Variants in PLA2G6 observed in about 807,000 individuals in gnomAD.
The protein encoded by PLA2G6 is phospholipase A2 group VI, also known as 85/88 kDa calcium-independent phospholipase A2.
A neutral mutation model predicts 83.8 loss-of-function variants in PLA2G6; 62 were observed. The observed-to-expected ratio is 0.74, with a 90% CI of 0.60 to 0.91. The LOEUF (loss-of-function observed/expected upper bound fraction) is 0.91, where lower values mean the gene tolerates loss of function less well. Among genes scored for constraint, PLA2G6 ranks in the 40% least tolerant of loss-of-function variants. The probability of loss-of-function intolerance (pLI) is 0.00; values close to 1 mark genes in which losing one functional copy is unlikely to be tolerated. For missense variants in PLA2G6, 944 were observed against 1,102.0 expected, an observed-to-expected ratio of 0.86 and a Z score of 2.03; for synonymous variants, 417 against 449.8, an observed-to-expected ratio of 0.93 and a Z score of 0.92.
intron 2 of PLA2G6, chr22:38,149,791 C>G (rs531261428): frequency 2.6e-5 from 4 of 151,984 alleles, no homozygotes; most frequent in African/African-American, 9.7e-5. Flanking sequence ...AAAAATTAGC[C>G]GGGCGTGGCG....
At position 38,165,024 on chromosome 22, in the gene PLA2G6, T is replaced by C. The variant is rs536328286; in HGVS notation, c.209+4194A>G. On this transcript the variant is annotated intron_variant, in intron 2 of 16. Transcript: ENST00000332509. ...GCAGCCCTCACTCCAGGTCACAGCC[T>C]AGGCCTTGGCATTACTGCTTCTGGG... Among the ~76,000 whole-genome samples, 77 of 151,724 alleles carry C rather than the reference T, an allele frequency of 5.1e-4. 1 individual carries two copies. The highest frequency in any genetic ancestry group is 1.8e-3 in the African/African-American group (75 of 41,316).
rs541994335 is a variant in PLA2G6 at position 38,118,687 on chromosome 22, T to C, written c.1742+2072A>G. Among the ~76,000 whole-genome samples the C allele has an allele frequency of 6.6e-5, 10 of 152,262 alleles. No homozygotes were observed. In the South Asian group the frequency reaches 2.1e-3, roughly 32 times the overall value. ...TTATTTATTTATTTGGATGGACCCATGTTCTTAATGGAGTAGAATTTATAA... is the reference window on the plus strand; with the variant it reads ...TTATTTATTTATTTGGATGGACCCACGTTCTTAATGGAGTAGAATTTATAA... On this transcript the variant is annotated intron_variant, in intron 12 of 16. Transcript: ENST00000332509.
chr22:38,134,485 C>T (rs2088414966), intron 6 of PLA2G6: 1 of 153,014 alleles, frequency 6.5e-6, no homozygotes, highest in Non-Finnish European at 1.5e-5. Context: ...TGGCATGAAC[C>T]TGGGAGGCAG....
chr22:38,180,132 T>C (rs1469611116), intron 1 of PLA2G6, among the ~76,000 whole-genome samples: 1 of 141,318 alleles, frequency 7.1e-6, no homozygotes, highest in Non-Finnish European at 1.5e-5. Flanking sequence ...ACCCAATAGA[T>C]GTCTGCAGAC....
At chr22:38,116,013 C>T (rs751738787) in intron 13 of PLA2G6, 62 bp downstream of exon 13, 1 of 1,592,932 alleles carries the variant, frequency 6.3e-7, no homozygotes, top group Non-Finnish European at 8.6e-7. Flanking sequence ...CGACTCCCAC[C>T]CACCACCCCA....
chr22:38,147,699 T>G (rs2089341167), intron 2 of PLA2G6: 1 of 152,516 alleles, frequency 6.6e-6, no homozygotes, highest in East Asian at 1.9e-4. Context: ...TTACAGGCGC[T>G]TGCTACCACG....
Position 38,135,052 on chromosome 22 carries a change from C to T in PLA2G6, c.830G>A (p.Ser277Asn). The T allele has an allele frequency of 6.4e-7, 1 of 1,574,486 alleles. No homozygotes were observed. Among genetic ancestry groups the T allele is most frequent in the South Asian group, 1.1e-5 (1 of 90,610 alleles). The part of the protein sequence containing the change: ...CAEMIISMDS[S>N]QIHSKDPRYG... ...ACGGGGGTCTTTGCTGTGGATCTGG[C>T]TGCTGTCCATGCTGATGATCATCTC... Residue 277 changes from serine (S) to asparagine (N), a missense_variant, in exon 6 of 17, where the codon AGC (serine) becomes AAC (asparagine). Transcript: ENST00000332509.
chr22:38,120,718 G>A, intron 12 of PLA2G6, 41 bp downstream of exon 12: 1 of 1,610,030 alleles, frequency 6.2e-7, no homozygotes, highest in South Asian at 1.1e-5. Flanking sequence ...CAGCCACAGT[G>A]GGCACAGCTG....
intron 1 of PLA2G6, among the ~76,000 whole-genome samples, chr22:38,179,737 C>CATT (rs1218797324): frequency 3.3e-5 from 5 of 152,136 alleles, no homozygotes. Flanking sequence ...CGTGCCATTG[C>CATT]ATTCCAGCCT....
intron 2 of PLA2G6, among the ~76,000 whole-genome samples, chr22:38,155,091 G>C (rs2089722860): frequency 6.6e-6 from 1 of 152,142 alleles, no homozygotes; most frequent in Admixed American, 6.5e-5. Context: ...GCCAGGCGTG[G>C]TGGCGGGCGC....
intron 2 of PLA2G6, 55 bp from the exon 3 acceptor site, chr22:38,145,708 G>A: frequency 1.6e-6 from 2 of 1,266,178 alleles, no homozygotes; most frequent in South Asian, 2.5e-5. Flanking sequence ...GGGACCCTCG[G>A]CCCACATCCC....
chr22:38,116,725 C>T (rs999031302), intron 12 of PLA2G6, among the ~76,000 whole-genome samples: 1 of 151,782 alleles, frequency 6.6e-6, no homozygotes, highest in African/African-American at 2.4e-5. Flanking sequence ...GTTGCGCATG[C>T]CTGTAATCCC....
chr22:38,115,658 G>C lies in PLA2G6; in HGVS notation c.1903C>G (p.Arg635Gly). 6.5e-7 allele frequency: 1 copy of C among 1,544,492 alleles called. No homozygotes were observed. The highest frequency in any genetic ancestry group is 1.2e-5 in the South Asian group (1 of 82,040). The stretch of plus-strand genomic sequence containing the variant: ...TAAGTAGGAGCTGCCCCGCTGCTTC[G>C]GGCCGCCCGCCACACCAGCTGGTCT... ...PSDQLVWRAARSSGAAPTYFR... is the reference protein window; with the variant it reads ...PSDQLVWRAAGSSGAAPTYFR... Residue 635 changes from arginine (R) to glycine (G), a missense_variant, in exon 14 of 17, where the codon CGA becomes GGA. Coordinates refer to ENST00000332509, the MANE Select transcript of PLA2G6 (RefSeq NM_003560.4).
chr22:38,167,028 A>T (rs6001036), intron 2 of PLA2G6, among the ~76,000 whole-genome samples: 10,667 of 152,042 alleles, frequency 0.07, 852 homozygotes, highest in African/African-American at 0.19. Context: ...GGAGATTGAG[A>T]CCATCCTGGC....
intron 1 of PLA2G6, among the ~76,000 whole-genome samples, chr22:38,176,626 C>T (rs2090641398): frequency 1.3e-5 from 2 of 152,184 alleles, no homozygotes; most frequent in African/African-American, 2.4e-5. Context: ...TCCGTCTGTG[C>T]CACACAGCAC....
intron 9 of PLA2G6, chr22:38,127,141 A>G (rs1446968361): frequency 2.6e-6 from 3 of 1,137,484 alleles, no homozygotes; most frequent in African/African-American, 1.6e-5. Context: ...GCGTGACCCC[A>G]ACTCTGACAG....
chr22:38,161,001 C>A (rs1342791469), intron 2 of PLA2G6, among the ~76,000 whole-genome samples: 1 of 152,068 alleles, frequency 6.6e-6, no homozygotes, highest in Admixed American at 6.6e-5. Flanking sequence ...AGCTGTATAT[C>A]ATTTTCTCTA....
rs982904707 is a variant in PLA2G6, at chr22:38,166,367, G to C, written c.209+2851C>G. Among the ~76,000 whole-genome samples, 77 of 152,258 alleles carry C rather than the reference G, an allele frequency of 5.1e-4. 1 individual carries two copies. Among genetic ancestry groups the C allele is most frequent in the African/African-American group, 1.8e-3 (75 of 41,548 alleles). ...GAAAGGTTCGGGTGGGAGCAGGTTA[G>C]AGGGGAGAAGATAAAAAAGACTCCA... On this transcript the variant is annotated intron_variant, in intron 2 of 16. Coordinates refer to ENST00000332509, the MANE Select transcript of PLA2G6 (RefSeq NM_003560.4).
At position 38,113,578 on chromosome 22, in the gene PLA2G6, G is replaced by T; in HGVS notation, c.2111C>A (p.Thr704Asn). 1 of 1,613,928 alleles carries T rather than the reference G, an allele frequency of 6.2e-7. No individual in the cohort carries two copies. Among genetic ancestry groups the T allele is most frequent in the African/African-American group, 1.3e-5 (1 of 75,044 alleles). Residue 704 changes from threonine to asparagine, a missense_variant, in exon 15 of 17, where the codon ACC (threonine) becomes AAC (asparagine). Coordinates refer to ENST00000332509, the MANE Select transcript of PLA2G6 (RefSeq NM_003560.4). ...GCTGGGACGGAAGACATCCACACAG[G>T]TCACAGGCACTTGTGGGGACCTCCC... Reference protein sequence around the residue: ...GTGRSPQVPVTCVDVFRPSNP... With the variant: ...GTGRSPQVPVNCVDVFRPSNP...
Sources: allele counts gnomAD v4.1 joint callset (sites outside exome capture counted in the v4.1 genomes callset), GRCh38; gene constraint gnomAD v4.1.1; transcripts MANE v1.5; gene names NCBI Gene and HGNC (gene_info 2026-07-23, HGNC 2026-07-21).